The following KCTD8 variants were observed in gnomAD, a reference collection of about 807,000 sequenced individuals.
The protein encoded by KCTD8 is BTB/POZ domain-containing protein KCTD8.
KCTD8 carries 27 observed loss-of-function variants against 31.5 expected under a neutral mutation model. The observed-to-expected ratio is 0.86, with a 90% CI of 0.63 to 1.18. The LOEUF (loss-of-function observed/expected upper bound fraction) is 1.18, where lower values mean the gene tolerates loss of function less well. KCTD8 is among the 50% of genes most tolerant of loss of function. KCTD8 has a pLI of 0.00. For synonymous variants in KCTD8, 290 were observed against 280.0 expected (o/e 1.04, Z -0.36); for missense variants, 658 against 647.7 (o/e 1.02, Z -0.17).
At chr4:44,238,624 A>G (rs933545133) in intron 1 of KCTD8, among the ~76,000 whole-genome samples, 2 of 152,198 alleles carry the variant, frequency 1.3e-5, no homozygotes, top group Non-Finnish European at 1.5e-5. Flanking sequence ...AGGATACAGA[A>G]TTTTAGTGTA....
chr4:44,380,965 T>C (rs1362228742), intron 1 of KCTD8, among the ~76,000 whole-genome samples: 1 of 152,050 alleles, frequency 6.6e-6, no homozygotes, highest in East Asian at 1.9e-4. Flanking sequence ...TATTCTACCA[T>C]TTATTATAAT....
intron 1 of KCTD8, among the ~76,000 whole-genome samples, chr4:44,406,819 A>C (rs929215069): frequency 2.0e-5 from 3 of 152,208 alleles, no homozygotes; most frequent in African/African-American, 7.2e-5. Context: ...TTCTTGACAC[A>C]TTATTTTTGT....
intron 1 of KCTD8, among the ~76,000 whole-genome samples, chr4:44,223,876 C>CT (rs1714876371): frequency 6.6e-6 from 1 of 152,166 alleles, no homozygotes; most frequent in Admixed American, 6.5e-5. Flanking sequence ...TTTATGACTA[C>CT]TTTCATACTA....
intron 1 of KCTD8, among the ~76,000 whole-genome samples, chr4:44,182,106 C>A (rs576463624): frequency 6.6e-6 from 1 of 151,732 alleles, no homozygotes. Flanking sequence ...ACAGCCGCCC[C>A]GTCCGGGAGG....
chr4:44,250,771 T>G (rs752107085), intron 1 of KCTD8, among the ~76,000 whole-genome samples: 2 of 151,820 alleles, frequency 1.3e-5, no homozygotes, highest in Non-Finnish European at 2.9e-5. Context: ...TTTGTTCTTA[T>G]TCATTTGCAG....
intron 1 of KCTD8, among the ~76,000 whole-genome samples, chr4:44,321,724 A>C (rs1718300981): frequency 6.6e-6 from 1 of 152,104 alleles, no homozygotes; most frequent in African/African-American, 2.4e-5. Flanking sequence ...GTATTGTTGT[A>C]CCCATTAACA....
chr4:44,331,082 T>A (rs895365303), intron 1 of KCTD8, among the ~76,000 whole-genome samples: 2 of 151,886 alleles, frequency 1.3e-5, no homozygotes, highest in Admixed American at 1.3e-4. Flanking sequence ...TTTTTCACAA[T>A]CCTAGGTATG....
chr4:44,359,551 C>A (rs898993328), intron 1 of KCTD8, among the ~76,000 whole-genome samples: 9 of 152,052 alleles, frequency 5.9e-5, no homozygotes, highest in Admixed American at 1.3e-4. Context: ...TATGTAAATT[C>A]TCTTGTACTG....
chr4:44,429,863 C>T (rs533771077), intron 1 of KCTD8, among the ~76,000 whole-genome samples: 8 of 151,512 alleles, frequency 5.3e-5, no homozygotes, highest in South Asian at 2.1e-4. Context: ...ACAGAAGGGA[C>T]GTCAGATAAG....
At chr4:44,232,686 G>A (rs961222010) in intron 1 of KCTD8, among the ~76,000 whole-genome samples, 2 of 152,132 alleles carry the variant, frequency 1.3e-5, no homozygotes, top group South Asian at 2.1e-4. Context: ...TACAATGCTA[G>A]CTTAATAAAA....
At chr4:44,240,393 G>A (rs904561245) in intron 1 of KCTD8, among the ~76,000 whole-genome samples, 4 of 152,192 alleles carry the variant, frequency 2.6e-5, no homozygotes, top group Non-Finnish European at 4.4e-5. Context: ...GGCTTGTTGT[G>A]TTGTACTTTA....
At chr4:44,354,343 G>A (rs372037576) in intron 1 of KCTD8, among the ~76,000 whole-genome samples, 49 of 151,938 alleles carry the variant, frequency 3.2e-4, no homozygotes, top group African/African-American at 1.1e-3. Context: ...ATTCCTTCAC[G>A]CTTACTTTTC....
intron 1 of KCTD8, among the ~76,000 whole-genome samples, chr4:44,431,515 T>A (rs1393633434): frequency 6.6e-6 from 1 of 151,570 alleles, no homozygotes; most frequent in Non-Finnish European, 1.5e-5. Flanking sequence ...AGTCAAAATA[T>A]GTGAATTTGA....
chr4:44,244,236 T>C (rs1715587680), intron 1 of KCTD8, among the ~76,000 whole-genome samples: 2 of 152,214 alleles, frequency 1.3e-5, no homozygotes. Flanking sequence ...TCTTCCTTTT[T>C]TTCTTTTTCT....
At chr4:44,354,220 G>A (rs1719286835) in intron 1 of KCTD8, among the ~76,000 whole-genome samples, 1 of 152,012 alleles carries the variant, frequency 6.6e-6, no homozygotes, top group African/African-American at 2.4e-5. Context: ...CATTTGTTGT[G>A]TGTGTGTGTT....
chr4:44,359,908 A>T (rs1018705687), intron 1 of KCTD8, among the ~76,000 whole-genome samples: 1 of 152,086 alleles, frequency 6.6e-6, no homozygotes, highest in African/African-American at 2.4e-5. Flanking sequence ...GAAAATATAC[A>T]TATTTATGTG....
At chr4:44,221,323 T>C (rs998303492) in intron 1 of KCTD8, among the ~76,000 whole-genome samples, 2 of 150,556 alleles carry the variant, frequency 1.3e-5, no homozygotes. Context: ...TGCTGCAGGG[T>C]CCATCAGGTG....
chr4:44,318,059 C>T (rs1718190755), intron 1 of KCTD8, among the ~76,000 whole-genome samples: 1 of 152,186 alleles, frequency 6.6e-6, no homozygotes, highest in Non-Finnish European at 1.5e-5. Flanking sequence ...CTCTGGACTC[C>T]CTTGGGAGGC....
intron 1 of KCTD8, among the ~76,000 whole-genome samples, chr4:44,401,882 G>T (rs1720673724): frequency 6.6e-6 from 1 of 152,044 alleles, no homozygotes; most frequent in East Asian, 1.9e-4. Flanking sequence ...CAAATAAATG[G>T]ATTCTATTTT....
Sources: allele counts gnomAD v4.1 joint callset (sites outside exome capture counted in the v4.1 genomes callset), GRCh38; gene constraint gnomAD v4.1.1; transcripts MANE v1.5; gene names NCBI Gene and HGNC (gene_info 2026-07-23, HGNC 2026-07-21).